The following WDPCP variants were observed in gnomAD, a reference collection of about 807,000 sequenced individuals.
The protein encoded by WDPCP is WD repeat-containing and planar cell polarity effector protein fritz homolog.
WDPCP carries 71 observed loss-of-function variants against 93.1 expected under a neutral mutation model. That is an observed-to-expected ratio of 0.76 (90% CI 0.63 to 0.93). The LOEUF (loss-of-function observed/expected upper bound fraction) is 0.93. Ranked by LOEUF, WDPCP falls within the 40% of genes least tolerant of loss-of-function variation. The pLI, the probability that WDPCP is intolerant of heterozygous loss-of-function variation, is 0.00. For synonymous variants in WDPCP, 315 were observed against 315.0 expected (o/e 1.00, Z 0.00); for missense variants, 844 against 887.4 (o/e 0.95, Z 0.62).
intron 13 of WDPCP, among the ~76,000 whole-genome samples, chr2:63,263,138 C>T (rs913907946): frequency 1.3e-5 from 2 of 152,124 alleles, no homozygotes; most frequent in Admixed American, 1.3e-4. Flanking sequence ...GCTTTAGGAT[C>T]TGGTGAAAGA....
At chr2:63,299,367 A>T (rs1273988382) in intron 13 of WDPCP, among the ~76,000 whole-genome samples, 1 of 152,192 alleles carries the variant, frequency 6.6e-6, no homozygotes, top group Non-Finnish European at 1.5e-5. Context: ...TTGCATCGTG[A>T]TGAGCCATCT....
chr2:63,703,565 G>GGTTTTGTTTT (rs58378137), intron 2 of WDPCP, among the ~76,000 whole-genome samples: 198 of 151,100 alleles, frequency 1.3e-3, no homozygotes, highest in African/African-American at 3.8e-3. Flanking sequence ...TTTTTGATGG[G>GGTTTTGTTTT]GTTTTGTTTT....
intron 14 of WDPCP, among the ~76,000 whole-genome samples, chr2:63,198,693 G>A (rs1450606577): frequency 6.6e-6 from 1 of 152,130 alleles, no homozygotes. Context: ...TAAGTTTTCT[G>A]AGGCCTCTTA....
chr2:63,800,281 T>C (rs1193580843), intron 2 of WDPCP, among the ~76,000 whole-genome samples: 1 of 152,206 alleles, frequency 6.6e-6, no homozygotes, highest in Non-Finnish European at 1.5e-5. Context: ...TGTGATAAAA[T>C]GTTACTTTGT....
At chr2:63,444,841 C>A (rs190007777) in intron 6 of WDPCP, among the ~76,000 whole-genome samples, 3 of 152,190 alleles carry the variant, frequency 2.0e-5, no homozygotes, top group Admixed American at 2.0e-4. Context: ...ACAAAAAGTA[C>A]CTTCCTTATT....
chr2:63,782,790 G>GTGTT (rs1670414916), intron 2 of WDPCP, among the ~76,000 whole-genome samples: 1 of 150,626 alleles, frequency 6.6e-6, no homozygotes, highest in Non-Finnish European at 1.5e-5. Context: ...GTGTGTTTGT[G>GTGTT]TGTGTGTGTA....
At chr2:63,767,003 C>T (rs1428697803) in intron 2 of WDPCP, among the ~76,000 whole-genome samples, 4 of 151,930 alleles carry the variant, frequency 2.6e-5, no homozygotes, top group African/African-American at 9.7e-5. Flanking sequence ...CCTTCTTGCC[C>T]CACCCTCACC....
intron 1 of WDPCP, among the ~76,000 whole-genome samples, chr2:63,558,148 A>T (rs1371153067): frequency 6.6e-6 from 1 of 152,074 alleles, no homozygotes; most frequent in Non-Finnish European, 1.5e-5. Context: ...GAGATAAGAG[A>T]CATAAAAACC....
intron 6 of WDPCP, among the ~76,000 whole-genome samples, chr2:63,455,231 T>A (rs1022570802): frequency 6.6e-6 from 1 of 151,848 alleles, no homozygotes; most frequent in African/African-American, 2.4e-5. Flanking sequence ...GAACAAAGAC[T>A]ATACAAAGCA....
chr2:63,177,825 C>T (rs536902673), intron 14 of WDPCP, among the ~76,000 whole-genome samples: 4 of 152,186 alleles, frequency 2.6e-5, no homozygotes, highest in Admixed American at 2.0e-4. Flanking sequence ...TTCAGTTTTT[C>T]ACCATTGAGA....
chr2:63,431,835 T>C (rs555875225), intron 9 of WDPCP, among the ~76,000 whole-genome samples: 7 of 151,996 alleles, frequency 4.6e-5, no homozygotes, highest in African/African-American at 1.7e-4. Context: ...CAAAAGCTCT[T>C]GAGAAAAAAA....
chr2:63,376,043 T>A (rs138321934), intron 12 of WDPCP, among the ~76,000 whole-genome samples: 1 of 152,072 alleles, frequency 6.6e-6, no homozygotes, highest in East Asian at 1.9e-4. Context: ...TTCTAGCACT[T>A]CACAAATACA....
Position 63,259,361 on chromosome 2 carries a change from C to T in WDPCP, c.1861G>A (p.Val621Met), listed in dbSNP as rs757326675. 1.9e-6 allele frequency: 3 copies of T among 1,612,668 alleles called. No individual in the cohort carries two copies. The East Asian group carries it at 6.7e-5, about 36-fold the overall frequency. ...LDKGELALAE[V>M]ARKRASDIDA... ...ATGTCACTAGCTCTTTTTCTTGCCA[C>T]TTCAGCTAGTGCCAATTCACCTTTA... is the stretch of plus-strand genomic sequence containing the variant. Residue 621 changes from valine to methionine, a missense_variant, in exon 14 of 18, where the codon GTG becomes ATG. Val to Met is a conservative substitution (Grantham distance 21). Coordinates refer to ENST00000272321, the MANE Select transcript of WDPCP (RefSeq NM_015910.7).
chr2:63,321,121 T>G (rs1199082191), intron 12 of WDPCP, among the ~76,000 whole-genome samples: 1 of 151,794 alleles, frequency 6.6e-6, no homozygotes, highest in Non-Finnish European at 1.5e-5. Context: ...TGACTGTGAG[T>G]GTCTTAAATA....
At chr2:63,791,976 G>A (rs1670551892) in intron 2 of WDPCP, among the ~76,000 whole-genome samples, 1 of 152,070 alleles carries the variant, frequency 6.6e-6, no homozygotes, top group South Asian at 2.1e-4. Context: ...GCAAATGTAA[G>A]GGAAAAAAAC....
At chr2:63,544,891 A>G (rs1359000132) in intron 1 of WDPCP, among the ~76,000 whole-genome samples, 1 of 152,186 alleles carries the variant, frequency 6.6e-6, no homozygotes, top group Non-Finnish European at 1.5e-5. Flanking sequence ...TTATTTAATA[A>G]TGTACCTGAT....
chr2:63,306,418 C>A lies in WDPCP; in HGVS notation c.1812+6830G>T, dbSNP rs117706865. Among the ~76,000 whole-genome samples the A allele has an allele frequency of 9.6e-3, 1,467 of 152,264 alleles. 24 individuals are homozygous for A. Among genetic ancestry groups the A allele is most frequent in the East Asian group, 0.047 (241 of 5,174 alleles). On this transcript the variant is annotated intron_variant, in intron 13 of 17. Coordinates refer to ENST00000272321, the MANE Select transcript of WDPCP (RefSeq NM_015910.7). ...GGCCAGCATCAACCTGATTCCAACACCTGGCAGAGTCACAACAAAAAAAGA... is the reference window on the plus strand; with the variant it reads ...GGCCAGCATCAACCTGATTCCAACAACTGGCAGAGTCACAACAAAAAAAGA...
At chr2:63,333,180 G>A (rs1007518203) in intron 12 of WDPCP, among the ~76,000 whole-genome samples, 2 of 151,930 alleles carry the variant, frequency 1.3e-5, no homozygotes, top group African/African-American at 4.8e-5. Context: ...AAGGGGTCTG[G>A]GGACTCATGC....
At chr2:63,162,719 A>AATTATATC (rs1303726845) in intron 15 of WDPCP, among the ~76,000 whole-genome samples, 1 of 152,146 alleles carries the variant, frequency 6.6e-6, no homozygotes, top group Non-Finnish European at 1.5e-5. Flanking sequence ...GTAGTTAAAA[A>AATTATATC]ATTATATCTT....
Sources: gnomAD v4.1 joint callset for allele counts (sites outside exome capture counted in the v4.1 genomes callset) on GRCh38, gnomAD v4.1.1 for gene constraint, MANE v1.5 for transcripts, NCBI Gene and HGNC (gene_info 2026-07-23, HGNC 2026-07-21) for gene names.